CREBBP: variants seen among roughly 807,000 people sequenced by gnomAD.
CREBBP encodes CREB-binding protein.
In CREBBP, 19 loss-of-function variants were observed where a neutral mutation model predicts 265.0. The observed-to-expected ratio is 0.07, with a 90% CI of 0.05 to 0.11. CREBBP has a LOEUF of 0.11. Ranked by LOEUF, CREBBP falls within the 10% of genes least tolerant of loss-of-function variation. The pLI is 1.00. For synonymous variants in CREBBP, 1,457 were observed against 1,223.7 expected (o/e 1.19, Z -3.98); for missense variants, 2,525 against 3,219.0 (o/e 0.78, Z 5.22).
intron 1 of CREBBP, among the ~76,000 whole-genome samples, chr16:3,870,759 T>C (rs2055277350): frequency 6.6e-6 from 1 of 152,174 alleles, no homozygotes; most frequent in Non-Finnish European, 1.5e-5. Context: ...AAGTAGGTGA[T>C]GGCTAATATT....
rs2051860306 is a variant in CREBBP, at chr16:3,729,773, C to A, written c.5274G>T (p.Glu1758Asp). 1 of 1,605,482 alleles carries A rather than the reference C, an allele frequency of 6.2e-7. No individual in the cohort carries two copies. Among genetic ancestry groups the A allele is most frequent in the Non-Finnish European group, 8.5e-7 (1 of 1,179,088 alleles). Reference protein sequence around the residue: ...GLDDEGSSQGEPQSKSPQESR... With the variant: ...GLDDEGSSQGDPQSKSPQESR... ...ACTCCTGGGGGCTCTTTGACTGTGGCTCGCCCTGGCTGCTGCCCTCGTCAT... is the reference window on the plus strand; with the variant it reads ...ACTCCTGGGGGCTCTTTGACTGTGGATCGCCCTGGCTGCTGCCCTCGTCAT... Residue 1758 changes from glutamate to aspartate, a missense_variant, in exon 31 of 31, where the codon GAG becomes GAT. This residue lies in a region of CREBBP where 62 missense variants were observed against 156.2 expected (regional missense o/e 0.40). Coordinates refer to ENST00000262367, the MANE Select transcript of CREBBP (RefSeq NM_004380.3).
At chr16:3,772,258 C>G (rs1221430322) in intron 13 of CREBBP, among the ~76,000 whole-genome samples, 1 of 149,984 alleles carries the variant, frequency 6.7e-6, no homozygotes, top group Non-Finnish European at 1.5e-5. Flanking sequence ...AGTTATTGAC[C>G]ATAAATATAT....
intron 13 of CREBBP, 77 bp from the exon 14 acceptor site, chr16:3,771,063 G>C: frequency 2.6e-6 from 4 of 1,563,790 alleles, no homozygotes; most frequent in Non-Finnish European, 1.7e-6. Context: ...AAAATTAAAT[G>C]TATGAAAAAA....
intron 1 of CREBBP, among the ~76,000 whole-genome samples, chr16:3,876,400 A>G: frequency 1.5e-5 from 1 of 68,360 alleles, no homozygotes. Flanking sequence ...AAAGCTGACC[A>G]AAAAAAAAAA....
chr16:3,795,025 G>C (rs2053580080), intron 3 of CREBBP, among the ~76,000 whole-genome samples: 2 of 152,164 alleles, frequency 1.3e-5, no homozygotes, highest in African/African-American at 2.4e-5. Context: ...ACTTTTAAAA[G>C]TTTATAGAGT....
chr16:3,843,827 C>A (rs553219350), intron 2 of CREBBP, among the ~76,000 whole-genome samples: 19 of 152,068 alleles, frequency 1.2e-4, no homozygotes, highest in African/African-American at 4.3e-4. Flanking sequence ...AATTCCAAAT[C>A]GATTTAAACT....
Position 3,793,528 on chromosome 16 carries a change from C to A in CREBBP, c.1074G>T (p.Leu358=). The change falls in exon 4 of 31, where the codon CTG becomes CTT. Residue 358 remains leucine, a synonymous_variant. Transcript: ENST00000262367. ...PEKRKLIQQQ[L]VLLLHAHKCQ... is the part of the protein sequence containing the mutation. ...ACTTATGAGCATGAAGCAGTAGAAC[C>A]AGCTGCTGCTGTATCAGTTTGCGTT... The A allele has an allele frequency of 6.2e-7, 1 of 1,614,152 alleles. No individual in the cohort carries two copies. Among genetic ancestry groups the A allele is most frequent in the Non-Finnish European group, 8.5e-7 (1 of 1,180,038 alleles).
intron 1 of CREBBP, among the ~76,000 whole-genome samples, chr16:3,863,608 AAAAC>A (rs2055120424): frequency 6.6e-6 from 1 of 152,120 alleles, no homozygotes; most frequent in South Asian, 2.1e-4. Flanking sequence ...TCTCAAAACA[AAAAC>A]AAAAACAAAA....
chr16:3,815,314 C>T (rs1012777928), intron 2 of CREBBP, among the ~76,000 whole-genome samples: 6 of 151,926 alleles, frequency 3.9e-5, no homozygotes, highest in Non-Finnish European at 5.9e-5. Context: ...CTAAGGCAGG[C>T]GGATCACTTA....
intron 16 of CREBBP, among the ~76,000 whole-genome samples, chr16:3,759,726 C>T (rs2052669284): frequency 6.6e-6 from 1 of 152,074 alleles, no homozygotes; most frequent in Non-Finnish European, 1.5e-5. Context: ...AATAGAGCTA[C>T]AAAATAAAGC....
At chr16:3,786,812 C>T (rs1209183432) in intron 5 of CREBBP, among the ~76,000 whole-genome samples, 2 of 152,142 alleles carry the variant, frequency 1.3e-5, no homozygotes, top group Non-Finnish European at 2.9e-5. Context: ...TGGCTCACGC[C>T]TGTAATCCCA....
chr16:3,773,710 T>C, intron 13 of CREBBP, 41 bp downstream of exon 13: 1 of 1,604,136 alleles, frequency 6.2e-7, no homozygotes, highest in Non-Finnish European at 8.5e-7. Context: ...ACACAAGAAT[T>C]TTATTTCCTA....
At chr16:3,815,436 G>A (rs1443463791) in intron 2 of CREBBP, among the ~76,000 whole-genome samples, 3 of 143,700 alleles carry the variant, frequency 2.1e-5, no homozygotes, top group Non-Finnish European at 4.5e-5. Flanking sequence ...CGATGAGCCA[G>A]AATAAACTGC....
chr16:3,862,918 G>A (rs1056459408), intron 1 of CREBBP, among the ~76,000 whole-genome samples: 2 of 152,052 alleles, frequency 1.3e-5, no homozygotes, highest in African/African-American at 4.8e-5. Flanking sequence ...TATTCTTCAT[G>A]TCACAGAAGG....
chr16:3,753,193 C>T (rs543275040), intron 19 of CREBBP, among the ~76,000 whole-genome samples: 1 of 152,218 alleles, frequency 6.6e-6, no homozygotes, highest in Non-Finnish European at 1.5e-5. Context: ...CACTCACTTG[C>T]GCACTCACAC....
chr16:3,736,338 A>G, intron 27 of CREBBP, 135 bp from the exon 28 acceptor site: 2 of 920,340 alleles, frequency 2.2e-6, no homozygotes, highest in South Asian at 1.4e-5. Flanking sequence ...CCCCCACCAC[A>G]GTGCAGCAGA....
At chr16:3,833,953 A>T (rs1380977808) in intron 2 of CREBBP, among the ~76,000 whole-genome samples, 1 of 152,228 alleles carries the variant, frequency 6.6e-6, no homozygotes, top group Non-Finnish European at 1.5e-5. Context: ...CTGTTTAAAA[A>T]ATGGGCCAAA....
chr16:3,840,529 G>A (rs1381442855), intron 2 of CREBBP: 3 of 156,420 alleles, frequency 1.9e-5, no homozygotes, highest in Non-Finnish European at 4.3e-5. Context: ...AGACACAATG[G>A]ACCCATCACA....
At chr16:3,866,688 A>G (rs1052179769) in intron 1 of CREBBP, among the ~76,000 whole-genome samples, 8 of 152,304 alleles carry the variant, frequency 5.3e-5, no homozygotes, top group African/African-American at 1.9e-4. Flanking sequence ...ATATAAAATG[A>G]AAAACAGCCC....
Sources: allele counts gnomAD v4.1 joint callset (sites outside exome capture counted in the v4.1 genomes callset), GRCh38; gene constraint gnomAD v4.1.1; regional missense constraint gnomAD v4.1.1; transcripts MANE v1.5; gene names NCBI Gene and HGNC (gene_info 2026-07-23, HGNC 2026-07-21).